Variants in RYR2 observed in about 807,000 individuals in gnomAD.
RYR2 encodes the protein ryanodine receptor 2, also known as cardiac muscle ryanodine receptor-calcium release channel.
In RYR2, 227 loss-of-function variants were observed where a neutral mutation model predicts 601.1. The ratio of observed to expected loss-of-function variants is 0.38; its 90% confidence interval spans 0.34 to 0.42. The LOEUF (loss-of-function observed/expected upper bound fraction) is 0.42. Ranked by LOEUF, RYR2 falls within the 10% of genes least tolerant of loss-of-function variation. The pLI is 1.00. For missense variants in RYR2, 4,646 were observed against 6,156.5 expected (o/e 0.75, Z 8.21); for synonymous variants, 2,223 against 2,175.1 (o/e 1.02, Z -0.61).
chr1:237,705,734 T>C (rs1384962524), intron 67 of RYR2, among the ~76,000 whole-genome samples: 1 of 152,168 alleles, frequency 6.6e-6, no homozygotes, highest in Non-Finnish European at 1.5e-5. Flanking sequence ...AGTTAGGGCA[T>C]GCTCAAGATA....
At chr1:237,785,713 A>G (rs113432851) in intron 90 of RYR2, among the ~76,000 whole-genome samples, 5 of 142 alleles carry the variant, frequency 0.035, no homozygotes, top group African/African-American at 0.068. Flanking sequence ...ATAAAGAAGG[A>G]TATTTCTAAA....
chr1:237,161,880 G>T (rs753215957), intron 1 of RYR2, among the ~76,000 whole-genome samples: 14 of 152,104 alleles, frequency 9.2e-5, no homozygotes, highest in Non-Finnish European at 2.1e-4. Flanking sequence ...AAGTCTATTG[G>T]TTCCAAAACC....
chr1:237,715,958 TA>T (rs1164867823), intron 71 of RYR2, among the ~76,000 whole-genome samples: 2 of 152,186 alleles, frequency 1.3e-5, no homozygotes, highest in African/African-American at 4.8e-5. Context: ...TTATTCATCA[TA>T]TTTTTTCTAA....
chr1:237,584,451 T>C (rs985425386), intron 29 of RYR2, among the ~76,000 whole-genome samples: 11 of 152,194 alleles, frequency 7.2e-5, no homozygotes, highest in Non-Finnish European at 1.3e-4. Context: ...GTATTCAAAG[T>C]TGTGCTCCAG....
chr1:237,269,042 CTTT>C (rs200563683), intron 1 of RYR2, among the ~76,000 whole-genome samples: 3 of 113,208 alleles, frequency 2.6e-5, no homozygotes, highest in African/African-American at 3.7e-5. Context: ...ATAGCATATT[CTTT>C]TTTTTTTTTT....
Position 237,166,630 on chromosome 1 carries a change from G to A in RYR2, c.49-103867G>A, listed in dbSNP as rs537183825. On this transcript the variant is annotated intron_variant, in intron 1 of 104. Coordinates refer to ENST00000366574, the MANE Select transcript of RYR2 (RefSeq NM_001035.3). ...GTATGTTTTTCTTTGGATTTGTTAC[G>A]TCATTGAGTCATGTAATGAGTATTT... 2.3e-4 allele frequency among the ~76,000 whole-genome samples: 35 copies of A among 152,218 alleles called. No homozygotes were observed. The South Asian group carries it at 3.7e-3, about 16-fold the overall frequency.
chr1:237,725,958 A>T (rs1245660903), intron 74 of RYR2, among the ~76,000 whole-genome samples: 1 of 152,046 alleles, frequency 6.6e-6, no homozygotes, highest in African/African-American at 2.4e-5. Flanking sequence ...ATTGAAAACT[A>T]TTGCCCTTGA....
In RYR2 at chr1:237,610,614, A is replaced by G; in HGVS notation, c.4684-148A>G. ...GTCCTTTCAGAAACTTTTCAACCCA[A>G]TTTCTATGATTTCTTGTGTTGACTT... On this transcript the variant is annotated intron_variant, in intron 35 of 104. Coordinates refer to ENST00000366574, the MANE Select transcript of RYR2 (RefSeq NM_001035.3). This position sits in a 1 kb window ranked among gnomAD's most constrained non-coding sequence, Gnocchi z 4.9. 1.5e-6 allele frequency: 1 copy of G among 669,048 alleles called. No homozygotes were observed. The highest frequency in any genetic ancestry group is 2.5e-6 in the Non-Finnish European group (1 of 397,122). The allele number at this position is 669,048 out of a possible 1,614,324, so 41.4% of individuals were successfully genotyped here.
At chr1:237,065,769 T>C (rs980023959) in intron 1 of RYR2, among the ~76,000 whole-genome samples, 7 of 152,226 alleles carry the variant, frequency 4.6e-5, no homozygotes, top group African/African-American at 1.7e-4. Flanking sequence ...GAGGTTTAAT[T>C]GGCTCATGGT....
chr1:237,231,811 C>T (rs2149192004), intron 1 of RYR2, among the ~76,000 whole-genome samples: 1 of 152,252 alleles, frequency 6.6e-6, no homozygotes, highest in East Asian at 1.9e-4. Context: ...TCCCTACTCC[C>T]ACCGCATCTT....
chr1:237,100,841 C>G (rs898039137), intron 1 of RYR2, among the ~76,000 whole-genome samples: 8 of 152,170 alleles, frequency 5.3e-5, no homozygotes, highest in Non-Finnish European at 1.0e-4. Context: ...GTTATCCCGG[C>G]CCCTGGGAAA....
chr1:237,229,402 G>A (rs867170482), intron 1 of RYR2, among the ~76,000 whole-genome samples: 4 of 152,292 alleles, frequency 2.6e-5, no homozygotes, highest in East Asian at 1.9e-4. Flanking sequence ...GAAGGACGTC[G>A]GTTAAAGGTC....
intron 79 of RYR2, among the ~76,000 whole-genome samples, chr1:237,734,569 T>G (rs1300803957): frequency 6.6e-6 from 1 of 152,226 alleles, no homozygotes; most frequent in Non-Finnish European, 1.5e-5. Context: ...CTTTGGCTGT[T>G]GAACCATGAG....
intron 12 of RYR2, among the ~76,000 whole-genome samples, chr1:237,428,864 G>A (rs1281462232): frequency 1.3e-5 from 2 of 151,982 alleles, no homozygotes; most frequent in African/African-American, 2.4e-5. Flanking sequence ...CAGGAGCTAC[G>A]AGGAGAAACA....
At chr1:237,231,189 G>A (rs957526085) in intron 1 of RYR2, among the ~76,000 whole-genome samples, 1 of 152,128 alleles carries the variant, frequency 6.6e-6, no homozygotes, top group Non-Finnish European at 1.5e-5. Context: ...CCAGTTAAAT[G>A]CCTTGCTGAA....
intron 25 of RYR2, among the ~76,000 whole-genome samples, chr1:237,541,641 C>T (rs975796216): frequency 1.3e-5 from 2 of 152,042 alleles, no homozygotes; most frequent in Non-Finnish European, 2.9e-5. Flanking sequence ...CTTTTAATCA[C>T]CTGGGTGCAG....
intron 29 of RYR2, among the ~76,000 whole-genome samples, chr1:237,580,325 T>A (rs1005687487): frequency 6.6e-6 from 1 of 151,708 alleles, no homozygotes; most frequent in Non-Finnish European, 1.5e-5. Flanking sequence ...CTGGCTAATT[T>A]TTTGTATTTT....
chr1:237,359,469 A>T (rs984270802), intron 4 of RYR2, among the ~76,000 whole-genome samples: 2 of 152,148 alleles, frequency 1.3e-5, no homozygotes, highest in African/African-American at 4.8e-5. Context: ...AACTTCTGTT[A>T]TACTTGCTTG....
At chr1:237,622,772 A>G (rs1002886845) in intron 38 of RYR2, among the ~76,000 whole-genome samples, 2 of 152,164 alleles carry the variant, frequency 1.3e-5, no homozygotes, top group African/African-American at 2.4e-5. Context: ...ATATGAGAGG[A>G]TATACATAGG....
Sources: allele counts gnomAD v4.1 joint callset (sites outside exome capture counted in the v4.1 genomes callset), GRCh38; gene constraint gnomAD v4.1.1; non-coding constraint Gnocchi (gnomAD v3.1); transcripts MANE v1.5; gene names NCBI Gene and HGNC (gene_info 2026-07-23, HGNC 2026-07-21).